The following CTNNA2 variants were observed in gnomAD, a reference collection of about 807,000 sequenced individuals.
CTNNA2 encodes the protein catenin alpha-2.
CTNNA2 carries 42 observed loss-of-function variants against 101.0 expected under a neutral mutation model. The ratio of observed to expected loss-of-function variants is 0.42; its 90% CI spans 0.32 to 0.54. The LOEUF (loss-of-function observed/expected upper bound fraction) is 0.54, where lower values mean the gene tolerates loss of function less well. Ranked by LOEUF, CTNNA2 falls within the 20% of genes least tolerant of loss-of-function variation. CTNNA2 has a pLI of 0.14. For missense variants in CTNNA2, 871 were observed against 1,223.1 expected (o/e 0.71, Z 4.29); for synonymous variants, 450 against 456.4 (o/e 0.99, Z 0.18).
In CTNNA2 at chr2:79,315,101, CTT is replaced by C. The variant is rs547213323; in HGVS notation, c.-318+2306_-318+2307del. ...TCTCTCTCTAGGGCTCTCCTTCCCT[CTT>C]GTTTTCTCTCTTCTTCTTCCTCTCT... On this transcript the variant is annotated intron_variant, in intron 3 of 21. Transcript: ENST00000466387. 3.9e-4 allele frequency among the ~76,000 whole-genome samples: 59 copies of C among 152,146 alleles called. 1 individual carries two copies. Among genetic ancestry groups the C allele is most frequent in the South Asian group, 1.0e-3 (5 of 4,824 alleles).
chr2:79,373,765 C>T (rs1420762890), intron 3 of CTNNA2: 1 of 152,162 alleles, frequency 6.6e-6, no homozygotes, highest in African/African-American at 2.4e-5. Context: ...TGTCTAATCA[C>T]ATTCATTATC....
chr2:79,369,934 C>T (rs538665417), intron 3 of CTNNA2, among the ~76,000 whole-genome samples: 1 of 152,264 alleles, frequency 6.6e-6, no homozygotes, highest in East Asian at 1.9e-4. Flanking sequence ...TGTGTGTTTG[C>T]ATATTATCTA....
chr2:80,026,300 G>A (rs953457254), intron 7 of CTNNA2, among the ~76,000 whole-genome samples: 3 of 152,184 alleles, frequency 2.0e-5, no homozygotes, highest in African/African-American at 7.2e-5. Flanking sequence ...GGATTCAGTT[G>A]CAAGTGATTG....
chr2:79,334,752 A>G (rs1676956461), intron 3 of CTNNA2, among the ~76,000 whole-genome samples: 1 of 152,186 alleles, frequency 6.6e-6, no homozygotes, highest in South Asian at 2.1e-4. Flanking sequence ...GAGAGAACTG[A>G]TAAGATAATG....
chr2:79,968,794 G>A (rs915660940), intron 7 of CTNNA2, among the ~76,000 whole-genome samples: 4 of 151,072 alleles, frequency 2.6e-5, no homozygotes, highest in Non-Finnish European at 5.9e-5. Context: ...CTTATTTAGA[G>A]AGTTGAAGTT....
intron 7 of CTNNA2, among the ~76,000 whole-genome samples, chr2:80,348,376 G>T (rs776283490): frequency 2.0e-5 from 3 of 152,094 alleles, no homozygotes; most frequent in Non-Finnish European, 4.4e-5. Context: ...GAAGGTTATG[G>T]TCTAAAGAAT....
At chr2:80,391,122 A>C (rs1677469852) in intron 7 of CTNNA2, among the ~76,000 whole-genome samples, 1 of 149,524 alleles carries the variant, frequency 6.7e-6, no homozygotes, top group African/African-American at 2.5e-5. Flanking sequence ...ACAGAGCACG[A>C]CTGTCTCAGA....
At chr2:80,067,432 C>T (rs1558775902) in intron 7 of CTNNA2, among the ~76,000 whole-genome samples, 1 of 151,770 alleles carries the variant, frequency 6.6e-6, no homozygotes, top group Non-Finnish European at 1.5e-5. Context: ...TATTTGTCAA[C>T]TGAAAATAAT....
intron 1 of CTNNA2, among the ~76,000 whole-genome samples, chr2:79,571,987 A>G (rs1573375004): frequency 6.6e-6 from 1 of 152,104 alleles, no homozygotes; most frequent in South Asian, 2.1e-4. Flanking sequence ...CTGAACTCCC[A>G]GCGTGCCCAT....
chr2:80,288,590 G>A (rs1674972882), intron 7 of CTNNA2: 2 of 152,162 alleles, frequency 1.3e-5, no homozygotes, highest in Non-Finnish European at 2.9e-5. Context: ...ACATAAACCA[G>A]GAATCCACTG....
At chr2:79,403,189 A>C (rs2104482749) in intron 4 of CTNNA2, among the ~76,000 whole-genome samples, 1 of 151,938 alleles carries the variant, frequency 6.6e-6, no homozygotes, top group East Asian at 1.9e-4. Flanking sequence ...AAAGGAAAAA[A>C]CCTAACAAAC....
At chr2:80,115,888 T>C (rs886511471) in intron 7 of CTNNA2, among the ~76,000 whole-genome samples, 5 of 152,090 alleles carry the variant, frequency 3.3e-5, no homozygotes, top group Admixed American at 6.6e-5. Flanking sequence ...TGCTGTGAGA[T>C]GTATTTGGAC....
chr2:79,565,435 A>C (rs886838779), intron 1 of CTNNA2, among the ~76,000 whole-genome samples: 10 of 152,066 alleles, frequency 6.6e-5, no homozygotes, highest in African/African-American at 2.4e-4. Context: ...CGGTCCAGTC[A>C]GAAGTTCTCC....
At chr2:80,079,167 G>A (rs1698956444) in intron 7 of CTNNA2, among the ~76,000 whole-genome samples, 1 of 152,160 alleles carries the variant, frequency 6.6e-6, no homozygotes, top group Admixed American at 6.5e-5. Context: ...CCCAACAGAT[G>A]ATTATTGTTC....
chr2:79,964,044 G>A (rs1457380838), intron 7 of CTNNA2, among the ~76,000 whole-genome samples: 1 of 151,296 alleles, frequency 6.6e-6, no homozygotes, highest in African/African-American at 2.4e-5. Flanking sequence ...ACCTTGGGGT[G>A]TTCCAGTGGT....
chr2:80,425,072 G>A (rs569455036), intron 9 of CTNNA2, among the ~76,000 whole-genome samples: 1 of 152,190 alleles, frequency 6.6e-6, no homozygotes, highest in Non-Finnish European at 1.5e-5. Context: ...CTAAGAATTA[G>A]CAAATCCCGG....
chr2:80,624,677 G>GT (rs1284173162), intron 18 of CTNNA2, among the ~76,000 whole-genome samples: 1 of 151,790 alleles, frequency 6.6e-6, no homozygotes, highest in East Asian at 1.9e-4. Context: ...GAATAGCTTT[G>GT]TTTGGAAGTC....
chr2:79,639,092 C>T (rs2104407394), intron 1 of CTNNA2, among the ~76,000 whole-genome samples: 1 of 152,256 alleles, frequency 6.6e-6, no homozygotes, highest in South Asian at 2.1e-4. Context: ...CCATTGGTTA[C>T]CTGGGTACTG....
chr2:80,419,684 T>C, intron 9 of CTNNA2, 83 bp downstream of exon 9: 1 of 1,342,028 alleles, frequency 7.5e-7, no homozygotes, highest in South Asian at 1.5e-5. Context: ...ACTAGAGAGA[T>C]ATTCTATTGT....
Sources: allele counts gnomAD v4.1 joint callset (sites outside exome capture counted in the v4.1 genomes callset), GRCh38; gene constraint gnomAD v4.1.1; transcripts MANE v1.5; gene names NCBI Gene and HGNC (gene_info 2026-07-23, HGNC 2026-07-21).